SOX30: variants seen among roughly 807,000 people sequenced by gnomAD.
SOX30 encodes transcription factor SOX-30.
In SOX30, 17 loss-of-function variants were observed where a neutral mutation model predicts 58.6. The observed-to-expected ratio is 0.29, with a 90% CI of 0.20 to 0.44. The LOEUF is 0.44. Among genes scored for constraint, SOX30 ranks in the 20% least tolerant of loss-of-function variants. The pLI is 1.00. For synonymous variants in SOX30, 421 were observed against 400.2 expected (o/e 1.05, Z -0.62); for missense variants, 951 against 965.8 (o/e 0.98, Z 0.20).
At chr5:157,667,532 G>A (rs1321791714) in intron 2 of SOX30, among the ~76,000 whole-genome samples, 1 of 152,098 alleles carries the variant, frequency 6.6e-6, no homozygotes, top group African/African-American at 2.4e-5. Context: ...TCAGGAATTT[G>A]AGAACAGCCT....
Position 157,634,301 on chromosome 5 carries a change from C to T in SOX30, c.1880+3929G>A, listed in dbSNP as rs1349089542. On this transcript the variant is annotated intron_variant, in intron 4 of 4. Coordinates refer to ENST00000265007, the MANE Select transcript of SOX30 (RefSeq NM_178424.2). ...TGATCTTGGCTCACTGCAGCCTTCA[C>T]CTCCCAGGCTCAAGTGATCCTCCCA... Among the ~76,000 whole-genome samples, 3 of 152,164 alleles carry T rather than the reference C, an allele frequency of 2.0e-5. 1 individual carries two copies. The South Asian group carries it at 6.2e-4, about 32-fold the overall frequency.
chr5:157,664,095 C>CTACTG (rs56104456), intron 2 of SOX30, among the ~76,000 whole-genome samples: 1 of 139,016 alleles, frequency 7.2e-6, no homozygotes, highest in South Asian at 2.4e-4. Flanking sequence ...TTGGAAAAAA[C>CTACTG]TAAAGTTCAT....
rs1454996857 is a variant in SOX30, at chr5:157,658,325, G to A, written c.53-9429C>T. ...ATGGGAAACTGGAGAGAGAAATTAT[G>A]TTTCAGAAACTGTGGTACACTTGTT... On this transcript the variant is annotated intron_variant, in intron 2 of 5. Transcript: ENST00000519442. Among the ~76,000 whole-genome samples, 4 of 152,300 alleles carry A rather than the reference G, an allele frequency of 2.6e-5. No homozygotes were observed. The East Asian group carries it at 7.7e-4, about 29-fold the overall frequency.
At chr5:157,654,224 T>C (rs1759426135), upstream of SOX30, among the ~76,000 whole-genome samples, 1 of 151,482 alleles carries the variant, frequency 6.6e-6, no homozygotes, top group Non-Finnish European at 1.5e-5. Flanking sequence ...GTGGATTTCA[T>C]CTATCAATAT....
At position 157,651,386 on chromosome 5, in the gene SOX30, C is replaced by T. The variant is rs1759333999; in HGVS notation, c.693G>A (p.Ala231=). ...LEDCRLGAEP[A]SNGLVHGSAE... is the part of the protein sequence containing the mutation. ...CGCTGCCATGAACCAGGCCATTGGACGCGGGCTCCGCGCCGAGCCTGCAGT... is the reference window on the plus strand; with the variant it reads ...CGCTGCCATGAACCAGGCCATTGGATGCGGGCTCCGCGCCGAGCCTGCAGT... Residue 231 remains alanine (A), a synonymous_variant, in exon 1 of 5, where the codon GCG becomes GCA. Coordinates refer to ENST00000265007, the MANE Select transcript of SOX30 (RefSeq NM_178424.2). 2 of 1,613,482 alleles carry T rather than the reference C, an allele frequency of 1.2e-6. No homozygotes were observed. The highest frequency in any genetic ancestry group is 1.7e-6 in the Non-Finnish European group (2 of 1,180,044).
Position 157,652,369 on chromosome 5 carries a change from G to A in SOX30, c.-291C>T. 3 of 1,151,904 alleles carry A rather than the reference G, an allele frequency of 2.6e-6. No individual in the cohort carries two copies. Among genetic ancestry groups the A allele is most frequent in the Non-Finnish European group, 3.2e-6 (3 of 938,170 alleles). 71.4% of individuals were successfully genotyped at this position (1,151,904 alleles called of 1,614,324 possible). Reference sequence around the variant, plus strand: ...CGCACTTGTTGCACATTTTCGTTCTGACTCTCTTGTGGAGTTCTCTTACAG... The same window carrying A: ...CGCACTTGTTGCACATTTTCGTTCTAACTCTCTTGTGGAGTTCTCTTACAG... On this transcript the variant is annotated 5_prime_UTR_variant, in exon 1 of 5. It introduces an in-frame stop codon into an upstream open reading frame of the 5' UTR. Coordinates refer to ENST00000265007, the MANE Select transcript of SOX30 (RefSeq NM_178424.2).
chr5:157,641,602 G>T (rs145874448), intron 3 of SOX30, among the ~76,000 whole-genome samples: 6,952 of 152,214 alleles, frequency 0.046, 278 homozygotes, highest in Middle Eastern at 0.11. Flanking sequence ...GACAGAGCAA[G>T]ACTCTATCTC....
chr5:157,656,739 G>A (rs1360713375), upstream of SOX30, among the ~76,000 whole-genome samples: 1 of 152,250 alleles, frequency 6.6e-6, no homozygotes, highest in African/African-American at 2.4e-5. Context: ...TAGAAGTCAT[G>A]AGAATGTAAA....
chr5:157,655,629 C>G (rs1404866475), upstream of SOX30, among the ~76,000 whole-genome samples: 1 of 152,140 alleles, frequency 6.6e-6, no homozygotes, highest in African/African-American at 2.4e-5. Flanking sequence ...TGGAAAACAT[C>G]CCTTCACTAC....
At position 157,625,866 on chromosome 5, in the gene SOX30, C is replaced by A. The variant is rs781106635; in HGVS notation, c.*474G>T. On this transcript the variant is annotated 3_prime_UTR_variant, in exon 5 of 5. Coordinates refer to ENST00000265007, the MANE Select transcript of SOX30 (RefSeq NM_178424.2). ...TATTAGTGTAAGTTAAATTTAGCAA[C>A]CAAGTCCAAGTTCACTAGGAGTTGT... 6.6e-6 allele frequency: 1 copy of A among 152,668 alleles called. No homozygotes were observed. Among genetic ancestry groups the A allele is most frequent in the African/African-American group, 2.4e-5 (1 of 41,420 alleles). 9.5% of individuals were successfully genotyped at this position (152,668 alleles called of 1,614,324 possible).
chr5:157,639,501 T>G (rs1759012105), intron 3 of SOX30, among the ~76,000 whole-genome samples: 1 of 152,216 alleles, frequency 6.6e-6, no homozygotes, highest in African/African-American at 2.4e-5. Context: ...ACTTGCCACA[T>G]GTCAACCACT....
Position 157,651,445 on chromosome 5 carries a change from T to C in SOX30, c.634A>G (p.Ile212Val). The part of the protein sequence containing the change: ...KSPAAIREGV[I>V]KTEEPERLLE... ...AGTCTCTCGGGTTCCTCCGTTTTGA[T>C]CACACCTTCTCGGATGGCTGCCGGG... Residue 212 changes from isoleucine (I) to valine (V), a missense_variant, in exon 1 of 5, where the codon ATC (isoleucine) becomes GTC (valine). By Grantham distance (29) the Ile-to-Val change is conservative. Around this residue, in one of 7 missense-constraint regions of SOX30, gnomAD observed 363 missense variants for 294.5 expected, o/e 1.23. Transcript: ENST00000265007. 6.2e-7 allele frequency: 1 copy of C among 1,613,392 alleles called. No homozygotes were observed. The highest frequency in any genetic ancestry group is 8.5e-7 in the Non-Finnish European group (1 of 1,179,992).
intron 2 of SOX30, among the ~76,000 whole-genome samples, chr5:157,664,475 T>A (rs879818457): frequency 6.6e-6 from 1 of 152,142 alleles, no homozygotes; most frequent in Non-Finnish European, 1.5e-5. Context: ...ATGTTACACC[T>A]AAAACCATAA....
Position 157,637,447 on chromosome 5 carries a change from T to C in SOX30, c.1880+783A>G, listed in dbSNP as rs535279807. On this transcript the variant is annotated intron_variant, in intron 4 of 4. Transcript: ENST00000265007. ...AAGTGTGGTCCGTAAACCAGCAGAA[T>C]TGGCAATCACTTGGGAGCTTGCTAG... 2.6e-4 allele frequency among the ~76,000 whole-genome samples: 39 copies of C among 152,262 alleles called. No individual in the cohort carries two copies. In the South Asian group the frequency reaches 6.6e-3, roughly 26 times the overall value.
intron 4 of SOX30, among the ~76,000 whole-genome samples, chr5:157,632,785 A>G (rs1758842479): frequency 6.6e-6 from 1 of 152,136 alleles, no homozygotes; most frequent in Non-Finnish European, 1.5e-5. Flanking sequence ...TATTCCTTTT[A>G]TCAAGGTTAA....
At chr5:157,652,700 C>G (rs1206381070), upstream of SOX30, among the ~76,000 whole-genome samples, 1 of 152,206 alleles carries the variant, frequency 6.6e-6, no homozygotes, top group Non-Finnish European at 1.5e-5. Context: ...CAATTAATCA[C>G]CAGGCCCTGT....
chr5:157,631,720 G>C (rs988902643), intron 4 of SOX30, among the ~76,000 whole-genome samples: 3 of 149,004 alleles, frequency 2.0e-5, no homozygotes, highest in African/African-American at 7.5e-5. Context: ...AGCCAAGATC[G>C]TGCCACTGCA....
chr5:157,651,934 C>T lies in SOX30; in HGVS notation c.145G>A (p.Ala49Thr). 6.7e-7 allele frequency: 1 copy of T among 1,498,226 alleles called. No homozygotes were observed. Among genetic ancestry groups the T allele is most frequent in the Admixed American group, 2.2e-5 (1 of 45,700 alleles). 92.8% of individuals were successfully genotyped at this position (1,498,226 alleles called of 1,614,324 possible). The change falls in exon 1 of 5, where the codon GCG becomes ACG. Residue 49 changes from alanine (A) to threonine (T), a missense_variant. Transcript: ENST00000265007. ...TCCCCGCACGACGAGGCCAAGGTCG[C>T]ACTGGCTGCCGCGCTCAGTGTGGGA... ...SSPTLSAAAS[A>T]TLASSCGEAV...
At chr5:157,643,260 A>G (rs1295534964) in intron 3 of SOX30, among the ~76,000 whole-genome samples, 1 of 151,978 alleles carries the variant, frequency 6.6e-6, no homozygotes, top group Non-Finnish European at 1.5e-5. Flanking sequence ...ACCCTACTAA[A>G]ACTACAAAAA....
Sources: allele counts gnomAD v4.1 joint callset (sites outside exome capture counted in the v4.1 genomes callset), GRCh38; gene constraint gnomAD v4.1.1; regional missense constraint gnomAD v4.1.1; transcripts MANE v1.5; gene names NCBI Gene and HGNC (gene_info 2026-07-23, HGNC 2026-07-21).